The following RBKS variants were observed in gnomAD, a reference collection of about 807,000 sequenced individuals.
RBKS encodes ribokinase.
A neutral mutation model predicts 33.9 loss-of-function variants in RBKS; 33 were observed. That is an observed-to-expected ratio of 0.97 (90% CI 0.74 to 1.30). RBKS has a LOEUF of 1.30. Ranked by LOEUF, RBKS falls within the 50% of genes most tolerant of loss-of-function variation. The pLI is 0.00. For synonymous variants in RBKS, 125 were observed against 143.0 expected (o/e 0.87, Z 0.90); for missense variants, 361 against 392.6 (o/e 0.92, Z 0.68).
rs1387489166 is a variant in RBKS at position 27,848,052 on chromosome 2, G to C, written c.268C>G (p.Gln90Glu). 2 of 1,495,376 alleles carry C rather than the reference G, an allele frequency of 1.3e-6. No homozygotes were observed. Among genetic ancestry groups the C allele is most frequent in the Non-Finnish European group, 1.8e-6 (2 of 1,082,498 alleles). 92.6% of individuals were successfully genotyped at this position (1,495,376 alleles called of 1,614,324 possible). A position where few individuals can be genotyped will look rare whatever the true frequency, so the allele number is the denominator to read the frequency against. The change falls in exon 3 of 8, where the codon CAG becomes GAG. Residue 90 changes from glutamine to glutamate, a missense_variant. Coordinates refer to ENST00000302188, the MANE Select transcript of RBKS (RefSeq NM_022128.3). ...FGNDYIENLK[Q>E]NDISTEFTYQ... Reference sequence around the variant, plus strand: ...ATTTTACCTGTAGAAATATCATTCTGTTTTAAGTTTTCTATATAATCATTG... The same window carrying C: ...ATTTTACCTGTAGAAATATCATTCTCTTTTAAGTTTTCTATATAATCATTG...
At position 27,832,748 on chromosome 2, in the gene RBKS, T is replaced by C; in HGVS notation, c.544A>G (p.Ile182Val). The C allele has an allele frequency of 6.2e-7, 1 of 1,613,050 alleles. No individual in the cohort carries two copies. The highest frequency in any genetic ancestry group is 1.1e-5 in the South Asian group (1 of 91,066). The change falls in exon 6 of 8, where the codon ATT (isoleucine) becomes GTT (valine). Residue 182 changes from isoleucine (I) to valine (V), a missense_variant. Physicochemically the swap from Ile to Val is conservative, Grantham distance 29. Transcript: ENST00000302188. ...TAGAACTGGGGATCCAGGTCAGCAA[T>C]GGCAGGGGCTGGATTGAACAAGGTT... Reference protein sequence around the residue: ...VKTLFNPAPAIADLDPQFYTL... With the variant: ...VKTLFNPAPAVADLDPQFYTL...
rs563975057 is a variant in RBKS, at chr2:27,837,166, C to T, written c.515-4389G>A. On this transcript the variant is annotated intron_variant, in intron 5 of 7. Coordinates refer to ENST00000302188, the MANE Select transcript of RBKS (RefSeq NM_022128.3). This position sits in a 1 kb window ranked among gnomAD's most constrained non-coding sequence, Gnocchi z 4.0. ...GCAGGTGCCTGTAGTCCCAGCTACT[C>T]GGGAGGCTGAGGCAGGAGAATGGCG... Among the ~76,000 whole-genome samples the T allele has an allele frequency of 1.7e-4, 26 of 151,924 alleles. No homozygotes were observed. Among genetic ancestry groups the T allele is most frequent in the African/African-American group, 5.6e-4 (23 of 41,354 alleles).
At chr2:27,809,376 C>T (rs759018792) in intron 7 of RBKS, among the ~76,000 whole-genome samples, 8 of 152,128 alleles carry the variant, frequency 5.3e-5, no homozygotes, top group South Asian at 2.1e-4. Context: ...AAAATGTTTG[C>T]GGTGGGTTAA....
At position 27,810,182 on chromosome 2, in the gene RBKS, G is replaced by A. The variant is rs529899036; in HGVS notation, c.795+17385C>T. The A allele has an allele frequency of 9.9e-5, 111 of 1,122,164 alleles. 3 individuals carry two copies. The South Asian group carries it at 1.0e-3, about 10-fold the overall frequency. The allele number at this position is 1,122,164 out of a possible 1,614,324, so 69.5% of individuals were successfully genotyped here. ...ATATTTGTCTACACAACCCAAATTC[G>A]TCATATACTGGCTGATTTGTCACTT... On this transcript the variant is annotated intron_variant, in intron 7 of 7. Transcript: ENST00000302188. The surrounding 1 kb of genome is among the most constrained non-coding windows in gnomAD (Gnocchi z 4.4).
intron 2 of RBKS, among the ~76,000 whole-genome samples, chr2:27,849,559 C>CAAAAAAAAAAAAAAAAA (rs70953894): frequency 6.3e-4 from 18 of 28,592 alleles, no homozygotes; most frequent in South Asian, 5.8e-3. Flanking sequence ...GACTCTGTCT[C>CAAAAAAAAAAAAAAAAA]AAAAAAAAAA....
chr2:27,851,517 CCA>C (rs1663744152), intron 2 of RBKS, among the ~76,000 whole-genome samples: 1 of 151,914 alleles, frequency 6.6e-6, no homozygotes, highest in South Asian at 2.1e-4. Context: ...TAGTCATGTT[CCA>C]TTCTTTTTTT....
In RBKS at chr2:27,877,583, C is replaced by G. The variant is rs900931449; in HGVS notation, c.89+12674G>C. 1.1e-4 allele frequency among the ~76,000 whole-genome samples: 16 copies of G among 152,158 alleles called. No individual in the cohort carries two copies. In the East Asian group the frequency reaches 1.2e-3, roughly 11 times the overall value. On this transcript the variant is annotated intron_variant, in intron 1 of 7. Transcript: ENST00000302188. ...AAGGAATATAACCGCCCCTGCCCCC[C>G]CAATAAAAGTAGTAAGCATGGAATG...
At position 27,846,178 on chromosome 2, in the gene RBKS, G is replaced by A. The variant is rs142998019; in HGVS notation, c.349+864C>T. Among the ~76,000 whole-genome samples the A allele has an allele frequency of 1.5e-3, 232 of 152,312 alleles. 3 individuals carry two copies. The highest frequency in any genetic ancestry group is 2.7e-3 in the Non-Finnish European group (185 of 68,034). ...AGATGGGGTTTTACTATGTTGGTCA[G>A]GCTGGTCTTGAACTCCTGACCTCAA... On this transcript the variant is annotated intron_variant, in intron 4 of 7. Coordinates refer to ENST00000302188, the MANE Select transcript of RBKS (RefSeq NM_022128.3).
At chr2:27,855,034 G>A (rs1573066397) in intron 2 of RBKS, among the ~76,000 whole-genome samples, 3 of 152,088 alleles carry the variant, frequency 2.0e-5, no homozygotes, top group Non-Finnish European at 2.9e-5. Context: ...CTCAAGTTAA[G>A]TGTTCTTACT....
intron 1 of RBKS, among the ~76,000 whole-genome samples, chr2:27,874,507 C>A (rs1219939077): frequency 6.6e-6 from 1 of 152,214 alleles, no homozygotes; most frequent in Non-Finnish European, 1.5e-5. Flanking sequence ...CACAACACGT[C>A]GTCAAGAGTG....
At chr2:27,814,759 C>G (rs1436811959) in intron 7 of RBKS, among the ~76,000 whole-genome samples, 2 of 152,192 alleles carry the variant, frequency 1.3e-5, no homozygotes, top group Non-Finnish European at 2.9e-5. Flanking sequence ...GGGAGATGTA[C>G]TTCACCTAAC....
chr2:27,825,028 T>C (rs572167295), intron 7 of RBKS, among the ~76,000 whole-genome samples: 15 of 152,130 alleles, frequency 9.9e-5, no homozygotes, highest in East Asian at 3.9e-4. Flanking sequence ...TTCCAAACAC[T>C]TGGGAGACTG....
At chr2:27,862,130 T>A (rs1664002682) in intron 1 of RBKS, among the ~76,000 whole-genome samples, 1 of 151,748 alleles carries the variant, frequency 6.6e-6, no homozygotes, top group Admixed American at 6.6e-5. Context: ...TGTATTTTTT[T>A]ATAGAGACGG....
chr2:27,814,387 C>T (rs529512286), intron 7 of RBKS, among the ~76,000 whole-genome samples: 4 of 152,004 alleles, frequency 2.6e-5, no homozygotes, highest in African/African-American at 9.7e-5. Flanking sequence ...TGATATTATT[C>T]TCTATACTGT....
intron 7 of RBKS, among the ~76,000 whole-genome samples, chr2:27,788,774 A>C (rs1020686944): frequency 1.3e-5 from 2 of 152,250 alleles, no homozygotes; most frequent in East Asian, 3.8e-4. Context: ...AGCATTTTAA[A>C]AATGAAGTAT....
At chr2:27,783,983 T>TC (rs1220412183) in intron 7 of RBKS, among the ~76,000 whole-genome samples, 5 of 79,288 alleles carry the variant, frequency 6.3e-5, no homozygotes, top group African/African-American at 1.4e-4. Context: ...TTCTTTTTTT[T>TC]TTTTTTTTTT....
chr2:27,882,798 C>T (rs1664444056), intron 1 of RBKS, among the ~76,000 whole-genome samples: 1 of 152,212 alleles, frequency 6.6e-6, no homozygotes, highest in East Asian at 1.9e-4. Flanking sequence ...GAGCTGGAGG[C>T]CATTATCCTT....
intron 1 of RBKS, among the ~76,000 whole-genome samples, chr2:27,881,117 T>C (rs768803447): frequency 2.0e-5 from 3 of 152,034 alleles, no homozygotes; most frequent in Non-Finnish European, 2.9e-5. Context: ...GGCATGCTGG[T>C]GTGTGCCTGC....
chr2:27,826,609 T>C (rs1344982920), intron 7 of RBKS, among the ~76,000 whole-genome samples: 1 of 152,144 alleles, frequency 6.6e-6, no homozygotes, highest in East Asian at 1.9e-4. Context: ...GGTTTCACCA[T>C]GTTGGCCAGG....
Sources: gnomAD v4.1 joint callset for allele counts (sites outside exome capture counted in the v4.1 genomes callset) on GRCh38, gnomAD v4.1.1 for gene constraint, Gnocchi (gnomAD v3.1) non-coding constraint, MANE v1.5 for transcripts, NCBI Gene and HGNC (gene_info 2026-07-23, HGNC 2026-07-21) for gene names.